SRGAP3: variants seen among roughly 807,000 people sequenced by gnomAD.
SRGAP3 encodes the protein SLIT-ROBO Rho GTPase activating protein 3, also known as SLIT-ROBO Rho GTPase-activating protein 3.
A neutral mutation model predicts 121.1 loss-of-function variants in SRGAP3; 39 were observed. The ratio of observed to expected loss-of-function variants is 0.32; its 90% confidence interval spans 0.25 to 0.42. SRGAP3 has a LOEUF of 0.42. Among genes scored for constraint, SRGAP3 ranks in the 10% least tolerant of loss-of-function variants. The pLI is 1.00. For synonymous variants in SRGAP3, 601 were observed against 570.0 expected (o/e 1.05, Z -0.77); for missense variants, 1,213 against 1,470.6 (o/e 0.82, Z 2.86).
At chr3:9,168,333 G>C (rs1950864732) in intron 1 of SRGAP3, among the ~76,000 whole-genome samples, 1 of 152,196 alleles carries the variant, frequency 6.6e-6, no homozygotes, top group Admixed American at 6.5e-5. Flanking sequence ...TCTGCTGTTA[G>C]CAACTGCTCC....
chr3:9,182,651 T>C (rs1445467492), intron 1 of SRGAP3, among the ~76,000 whole-genome samples: 1 of 152,152 alleles, frequency 6.6e-6, no homozygotes, highest in Non-Finnish European at 1.5e-5. Context: ...TTTTAATTTT[T>C]ATTTATTTGT....
chr3:9,062,234 T>A (rs1225895747), intron 5 of SRGAP3, among the ~76,000 whole-genome samples: 1 of 152,148 alleles, frequency 6.6e-6, no homozygotes, highest in African/African-American at 2.4e-5. Context: ...TCATCTATTT[T>A]ATAGATGAGG....
intron 3 of SRGAP3, among the ~76,000 whole-genome samples, chr3:9,098,781 T>A (rs569596306): frequency 6.6e-6 from 1 of 152,220 alleles, no homozygotes; most frequent in Non-Finnish European, 1.5e-5. Flanking sequence ...CTGTTTGTTA[T>A]CTATAATTAT....
At chr3:8,993,172 C>A in intron 19 of SRGAP3, 117 bp from the exon 20 acceptor site, 1 of 1,516,752 alleles carries the variant, frequency 6.6e-7, no homozygotes, top group Non-Finnish European at 8.9e-7. Flanking sequence ...TTACTTTGTG[C>A]CCACAGCGCT....
Position 9,239,974 on chromosome 3 carries a change from A to G in SRGAP3, c.67+8911T>C, listed in dbSNP as rs905213118. Among the ~76,000 whole-genome samples the G allele has an allele frequency of 8.5e-5, 13 of 152,166 alleles. No individual in the cohort carries two copies. Among genetic ancestry groups the G allele is most frequent in the Admixed American group, 3.3e-4 (5 of 15,282 alleles). Reference sequence around the variant, plus strand: ...GACCCAGTCCATGAAAAATATCTACACAATCAAGTAAGTTTGAGGAAACTC... The same window carrying G: ...GACCCAGTCCATGAAAAATATCTACGCAATCAAGTAAGTTTGAGGAAACTC... On this transcript the variant is annotated intron_variant, in intron 1 of 21. Transcript: ENST00000383836. The surrounding 1 kb of genome is among the most constrained non-coding windows in gnomAD (Gnocchi z 4.0).
intron 1 of SRGAP3, among the ~76,000 whole-genome samples, chr3:9,351,810 C>T (rs1575028795): frequency 1.3e-5 from 2 of 152,198 alleles, no homozygotes. Context: ...AAATTATACC[C>T]CCAGTTAACA....
chr3:9,341,648 T>C (rs543368499), intron 1 of SRGAP3, among the ~76,000 whole-genome samples: 23 of 152,166 alleles, frequency 1.5e-4, no homozygotes, highest in Non-Finnish European at 2.4e-4. Flanking sequence ...GGGCCACTGA[T>C]TGCTACATTT....
chr3:9,261,275 A>G (rs965537164), intron 3 of SRGAP3, among the ~76,000 whole-genome samples: 1 of 152,082 alleles, frequency 6.6e-6, no homozygotes, highest in Non-Finnish European at 1.5e-5. Context: ...AATTCCAAAA[A>G]CCAGAATGCC....
chr3:9,354,903 T>C (rs892813789), intron 1 of SRGAP3, among the ~76,000 whole-genome samples: 8 of 152,184 alleles, frequency 5.3e-5, no homozygotes, highest in African/African-American at 1.9e-4. Context: ...CTACATGTAA[T>C]GTTACCTGTC....
At chr3:9,272,369 C>G (rs1315241120) in intron 3 of SRGAP3, among the ~76,000 whole-genome samples, 2 of 152,220 alleles carry the variant, frequency 1.3e-5, no homozygotes, top group Admixed American at 1.3e-4. Flanking sequence ...ACTTTTTCAT[C>G]ATCCCAAACT....
intron 1 of SRGAP3, among the ~76,000 whole-genome samples, chr3:9,342,102 G>C (rs184386845): frequency 1.6e-3 from 244 of 152,306 alleles, no homozygotes; most frequent in African/African-American, 5.6e-3. Context: ...TGTAATCCCA[G>C]CACTTCGGGA....
intron 2 of SRGAP3, among the ~76,000 whole-genome samples, chr3:9,117,789 G>A (rs1948856141): frequency 6.6e-6 from 1 of 152,082 alleles, no homozygotes; most frequent in Non-Finnish European, 1.5e-5. Context: ...TTTCAAACTA[G>A]GTCTCAAGAA....
intron 3 of SRGAP3, among the ~76,000 whole-genome samples, chr3:9,313,428 C>T (rs565533568): frequency 3.3e-5 from 5 of 152,200 alleles, no homozygotes; most frequent in Non-Finnish European, 7.3e-5. Context: ...GTGGCCCACA[C>T]CTGTAATCCC....
intron 1 of SRGAP3, among the ~76,000 whole-genome samples, chr3:9,195,956 C>CA (rs541901318): frequency 5.3e-5 from 8 of 151,164 alleles, no homozygotes; most frequent in South Asian, 2.1e-4. Flanking sequence ...ACCCTGTCTC[C>CA]AAAAAAAACA....
intron 4 of SRGAP3, among the ~76,000 whole-genome samples, chr3:9,074,613 G>A (rs1255255102): frequency 1.3e-5 from 2 of 152,180 alleles, no homozygotes; most frequent in Admixed American, 6.5e-5. Context: ...AGAAAGACAC[G>A]CAGTGAGCCC....
chr3:9,215,917 C>T (rs1202283930), intron 1 of SRGAP3, among the ~76,000 whole-genome samples: 1 of 152,224 alleles, frequency 6.6e-6, no homozygotes, highest in Non-Finnish European at 1.5e-5. Context: ...GGATCTCCAG[C>T]TTGTAGATGG....
intron 3 of SRGAP3, among the ~76,000 whole-genome samples, chr3:9,276,870 G>A: frequency 6.6e-6 from 1 of 152,180 alleles, no homozygotes; most frequent in Non-Finnish European, 1.5e-5. Flanking sequence ...AAATGGAATT[G>A]GAATGGAGAA....
At chr3:9,176,832 C>T (rs1373566146) in intron 1 of SRGAP3, among the ~76,000 whole-genome samples, 1 of 152,178 alleles carries the variant, frequency 6.6e-6, no homozygotes, top group Admixed American at 6.5e-5. Flanking sequence ...CCTCCTCTAC[C>T]CTGACCCAAA....
In SRGAP3 at chr3:9,176,726, G is replaced by T. The variant is rs141610917; in HGVS notation, c.68-51809C>A. ...CACTGTAAAAGCAGAAGCAAGTGGG[G>T]GGCGGGGAGGAACCACACACTTTTA... On this transcript the variant is annotated intron_variant, in intron 1 of 21. Coordinates refer to ENST00000383836, the MANE Select transcript of SRGAP3 (RefSeq NM_014850.4). Among the ~76,000 whole-genome samples the T allele has an allele frequency of 8.5e-5, 13 of 152,162 alleles. No individual in the cohort carries two copies. The East Asian group carries it at 2.5e-3, about 29-fold the overall frequency.
Sources: gnomAD v4.1 joint callset for allele counts (sites outside exome capture counted in the v4.1 genomes callset) on GRCh38, gnomAD v4.1.1 for gene constraint, Gnocchi (gnomAD v3.1) non-coding constraint, MANE v1.5 for transcripts, NCBI Gene and HGNC (gene_info 2026-07-23, HGNC 2026-07-21) for gene names.